YWHAQ: variants seen among roughly 807,000 people sequenced by gnomAD.
YWHAQ encodes 14-3-3 protein theta.
Under a neutral mutation model 28.3 loss-of-function variants are expected in YWHAQ, and 6 were observed. The observed-to-expected ratio is 0.21, with a 90% CI of 0.12 to 0.42. The LOEUF is 0.42. Among genes scored for constraint, YWHAQ ranks in the 10% least tolerant of loss-of-function variants. The pLI, the probability that YWHAQ is intolerant of heterozygous loss-of-function variation, is 1.00. For missense variants in YWHAQ, 201 were observed against 305.6 expected, an observed-to-expected ratio of 0.66 and a Z score of 2.55; for synonymous variants, 143 against 119.1, an observed-to-expected ratio of 1.20 and a Z score of -1.31.
intron 5 of YWHAQ, among the ~76,000 whole-genome samples, chr2:9,586,794 G>C (rs1402753170): frequency 6.6e-6 from 1 of 152,162 alleles, no homozygotes; most frequent in African/African-American, 2.4e-5. Flanking sequence ...TTTTCCTTCT[G>C]TGAAGTCTAA....
intron 4 of YWHAQ, 107 bp downstream of exon 4, chr2:9,588,058 T>C (rs752731976): frequency 3.1e-6 from 4 of 1,304,694 alleles, no homozygotes; most frequent in East Asian, 2.6e-5. Context: ...AAAATAAATA[T>C]AGTAGAAATC....
chr2:9,596,236 A>T (rs953715455), intron 2 of YWHAQ, among the ~76,000 whole-genome samples: 4 of 151,964 alleles, frequency 2.6e-5, no homozygotes, highest in African/African-American at 9.7e-5. Flanking sequence ...CTTAGGAAAA[A>T]AAGGCTTCCA....
At chr2:9,615,054 G>C (rs1422670304) in intron 2 of YWHAQ, among the ~76,000 whole-genome samples, 1 of 152,156 alleles carries the variant, frequency 6.6e-6, no homozygotes, top group Non-Finnish European at 1.5e-5. Context: ...AAAAAATAAA[G>C]ATGAAGTCCT....
chr2:9,630,469 G>GGGCCGA lies in YWHAQ; in HGVS notation c.-18_-17insTCGGCC. The GGGCCGA allele has an allele frequency of 1.9e-6, 3 of 1,577,460 alleles. No homozygotes were observed. The highest frequency in any genetic ancestry group is 1.7e-5 in the Admixed American group (1 of 58,046). On this transcript the variant is annotated 5_prime_UTR_variant, in exon 2 of 6. Coordinates refer to ENST00000238081, the MANE Select transcript of YWHAQ (RefSeq NM_006826.4). The surrounding 1 kb of genome is among the most constrained non-coding windows in gnomAD (Gnocchi z 5.6). ...CTTCTCCATGGCGGGCGCGGGGCCG[G>GGGCCGA]GGCCGGGGCGGAGGGCGAGGAGAGC...
chr2:9,592,278 C>A (rs1208105686), intron 2 of YWHAQ, among the ~76,000 whole-genome samples: 3 of 151,966 alleles, frequency 2.0e-5, no homozygotes, highest in African/African-American at 4.8e-5. Flanking sequence ...TAAAAAAGTT[C>A]TTGAGTATGT....
intron 2 of YWHAQ, among the ~76,000 whole-genome samples, chr2:9,599,676 GA>G (rs936501173): frequency 6.6e-6 from 1 of 151,902 alleles, no homozygotes; most frequent in African/African-American, 2.4e-5. Context: ...CTACTGCTCA[GA>G]AAAAAAAGAT....
At chr2:9,598,536 G>T (rs529859457) in intron 2 of YWHAQ, among the ~76,000 whole-genome samples, 1 of 152,064 alleles carries the variant, frequency 6.6e-6, no homozygotes. Context: ...TTCCACCAGC[G>T]TGTGCTCAAC....
In YWHAQ at chr2:9,630,734, C is replaced by T. The variant is rs1667358043; in HGVS notation, c.-82-200G>A. 1.2e-5 allele frequency: 2 copies of T among 160,534 alleles called. No individual in the cohort carries two copies. Among genetic ancestry groups the T allele is most frequent in the Non-Finnish European group, 2.7e-5 (2 of 74,326 alleles). 9.9% of individuals were successfully genotyped at this position (160,534 alleles called of 1,614,324 possible). ...GCGGGGGCGGCGCGGAGGCCCCGCG[C>T]GCAGGGAGCCCGAGCCGCGGCCGCT... On this transcript the variant is annotated intron_variant, in intron 1 of 5. Coordinates refer to ENST00000238081, the MANE Select transcript of YWHAQ (RefSeq NM_006826.4). The surrounding 1 kb of genome is among the most constrained non-coding windows in gnomAD (Gnocchi z 5.6).
chr2:9,616,519 G>A (rs893998492), intron 2 of YWHAQ, among the ~76,000 whole-genome samples: 5 of 150,256 alleles, frequency 3.3e-5, no homozygotes, highest in Non-Finnish European at 7.4e-5. Flanking sequence ...TCCACAGAAC[G>A]GGAGAAAAAC....
At chr2:9,589,784 C>T (rs1317503259) in intron 3 of YWHAQ, among the ~76,000 whole-genome samples, 1 of 152,096 alleles carries the variant, frequency 6.6e-6, no homozygotes, top group African/African-American at 2.4e-5. Flanking sequence ...AGTTTGATTA[C>T]TAGCCTAATT....
At chr2:9,602,903 A>T (rs1251783888) in intron 2 of YWHAQ, among the ~76,000 whole-genome samples, 1 of 111,152 alleles carries the variant, frequency 9.0e-6, no homozygotes, top group Non-Finnish European at 1.8e-5. Context: ...ATATATATAT[A>T]GTAGGGACAC....
chr2:9,614,685 A>G (rs565111094), intron 2 of YWHAQ, among the ~76,000 whole-genome samples: 1 of 152,348 alleles, frequency 6.6e-6, no homozygotes, highest in South Asian at 2.1e-4. Context: ...GCAAGGACAC[A>G]AGTATACTTT....
At position 9,610,226 on chromosome 2, in the gene YWHAQ, G is replaced by A. The variant is rs142389506; in HGVS notation, c.295-18711C>T. Among the ~76,000 whole-genome samples the A allele has an allele frequency of 2.0e-3, 304 of 152,254 alleles. 1 individual carries two copies. The highest frequency in any genetic ancestry group is 3.5e-3 in the Non-Finnish European group (238 of 68,030). Reference sequence around the variant, plus strand: ...TCTATCTTAAGGTAAATGACAAGACGACATGGGTCCATTTCACTGGTATGA... The same window carrying A: ...TCTATCTTAAGGTAAATGACAAGACAACATGGGTCCATTTCACTGGTATGA... On this transcript the variant is annotated intron_variant, in intron 2 of 5. Transcript: ENST00000238081.
Position 9,628,383 on chromosome 2 carries a change from T to C in YWHAQ, c.294+1776A>G, listed in dbSNP as rs1175041472. Among the ~76,000 whole-genome samples, 7 of 152,300 alleles carry C rather than the reference T, an allele frequency of 4.6e-5. No homozygotes were observed. In the South Asian group the frequency reaches 1.2e-3, roughly 27 times the overall value. ...CCTGGTCTCTCTCTCAAGCTACGTA[T>C]CAACTAAGCAAAACTCTTCCCCGAC... is the stretch of plus-strand genomic sequence containing the variant. On this transcript the variant is annotated intron_variant, in intron 2 of 5. Coordinates refer to ENST00000238081, the MANE Select transcript of YWHAQ (RefSeq NM_006826.4).
intron 2 of YWHAQ, among the ~76,000 whole-genome samples, chr2:9,598,169 T>C (rs1336576476): frequency 6.6e-6 from 1 of 152,054 alleles, no homozygotes; most frequent in African/African-American, 2.4e-5. Context: ...TGATCCTATA[T>C]GCTGTGGGAT....
rs749924341 is a variant in YWHAQ, at chr2:9,588,126, CTG to C, written c.582+37_582+38del. 6.0e-6 allele frequency: 9 copies of C among 1,496,146 alleles called. No homozygotes were observed. In the African/African-American group the frequency reaches 8.7e-5, roughly 15 times the overall value. 92.7% of individuals were successfully genotyped at this position (1,496,146 alleles called of 1,614,324 possible). On this transcript the variant is annotated intron_variant, in intron 4 of 5. Transcript: ENST00000238081. ...TTAACATACCTGGTATCTCAAATAA[CTG>C]TAGCTAAAGTACGTATTTCCTGGAC...
At chr2:9,607,277 T>G (rs1269987970) in intron 2 of YWHAQ, among the ~76,000 whole-genome samples, 1 of 150,742 alleles carries the variant, frequency 6.6e-6, no homozygotes, top group African/African-American at 2.4e-5. Flanking sequence ...CTCGGCTCAC[T>G]GCAACGTCCA....
chr2:9,603,471 C>T (rs1666755514), intron 2 of YWHAQ, among the ~76,000 whole-genome samples: 1 of 151,012 alleles, frequency 6.6e-6, no homozygotes, highest in Non-Finnish European at 1.5e-5. Context: ...GACGGGGTTT[C>T]TCCATGTTGG....
intron 2 of YWHAQ, among the ~76,000 whole-genome samples, chr2:9,595,028 A>G (rs537736447): frequency 1.3e-5 from 2 of 152,352 alleles, no homozygotes; most frequent in Admixed American, 6.5e-5. Context: ...TATAACCATT[A>G]CGTATGATTT....
Sources: gnomAD v4.1 joint callset for allele counts (sites outside exome capture counted in the v4.1 genomes callset) on GRCh38, gnomAD v4.1.1 for gene constraint, Gnocchi (gnomAD v3.1) non-coding constraint, MANE v1.5 for transcripts, NCBI Gene and HGNC (gene_info 2026-07-23, HGNC 2026-07-21) for gene names.